Variants in CALN1 observed in about 807,000 individuals in gnomAD.
The protein encoded by CALN1 is calneuron 1.
Under a neutral mutation model 30.6 loss-of-function variants are expected in CALN1, and 17 were observed. That is an observed-to-expected ratio of 0.56 (90% confidence interval 0.38 to 0.83). The LOEUF is 0.83. Among genes scored for constraint, CALN1 ranks in the 40% least tolerant of loss-of-function variants. The pLI, the probability that CALN1 is intolerant of heterozygous loss-of-function variation, is 0.00. For missense variants in CALN1, 291 were observed against 354.9 expected (o/e 0.82, Z 1.45); for synonymous variants, 156 against 131.4 (o/e 1.19, Z -1.28).
chr7:72,208,989 C>T (rs1456647707), intron 3 of CALN1, among the ~76,000 whole-genome samples: 1 of 87,854 alleles, frequency 1.1e-5, no homozygotes, highest in Non-Finnish European at 2.0e-5. Context: ...TTCCTACTTC[C>T]TTCCTTCCTT....
intron 5 of CALN1, among the ~76,000 whole-genome samples, chr7:71,996,809 T>C (rs758089259): frequency 4.6e-5 from 7 of 152,146 alleles, no homozygotes; most frequent in Non-Finnish European, 8.8e-5. Context: ...GAAGTCACCA[T>C]GATGTTTCAA....
chr7:71,815,564 A>C (rs919681478), intron 5 of CALN1, among the ~76,000 whole-genome samples: 4 of 152,138 alleles, frequency 2.6e-5, no homozygotes, highest in Non-Finnish European at 5.9e-5. Context: ...GTGAGAAATA[A>C]ATGCTTGCTG....
At chr7:71,935,289 C>A (rs534458360) in intron 5 of CALN1, among the ~76,000 whole-genome samples, 1 of 152,214 alleles carries the variant, frequency 6.6e-6, no homozygotes, top group South Asian at 2.1e-4. Context: ...GAGCAGACAG[C>A]AAGCAGGGTG....
At position 71,860,914 on chromosome 7, in the gene CALN1, G is replaced by C. The variant is rs147416062; in HGVS notation, c.502-50422C>G. 2.6e-5 allele frequency among the ~76,000 whole-genome samples: 4 copies of C among 152,256 alleles called. No homozygotes were observed. The East Asian group carries it at 7.7e-4, about 29-fold the overall frequency. ...GAGGGGACATTTATAGGCAGAGGAT[G>C]ATCCCACGGAGAACTCTCTGTGATC... On this transcript the variant is annotated intron_variant, in intron 5 of 6. Coordinates refer to ENST00000395275, the MANE Select transcript of CALN1 (RefSeq NM_031468.4).
intron 5 of CALN1, among the ~76,000 whole-genome samples, chr7:72,022,706 T>C (rs1022039706): frequency 5.3e-5 from 8 of 152,122 alleles, no homozygotes; most frequent in African/African-American, 1.2e-4. Context: ...CCCAGCCAAA[T>C]TGTGAAATAG....
intron 3 of CALN1, among the ~76,000 whole-genome samples, chr7:72,144,020 C>T (rs1282641143): frequency 6.6e-6 from 1 of 151,986 alleles, no homozygotes; most frequent in Non-Finnish European, 1.5e-5. Context: ...ACTGCAAAAA[C>T]ATGCCAAACT....
chr7:72,047,956 A>G (rs2129535139), intron 4 of CALN1, among the ~76,000 whole-genome samples: 1 of 152,164 alleles, frequency 6.6e-6, no homozygotes, highest in South Asian at 2.1e-4. Context: ...ATGTGAGCAA[A>G]GTAAGAGATG....
At chr7:71,874,361 C>T (rs13230356) in intron 5 of CALN1, among the ~76,000 whole-genome samples, 36,850 of 150,414 alleles carry the variant, frequency 0.24, 4,856 homozygotes, top group African/African-American at 0.32. Context: ...AGTATTAAGA[C>T]CTAAGAGGAT....
chr7:72,042,929 C>A (rs1802221700), intron 4 of CALN1, among the ~76,000 whole-genome samples: 1 of 152,150 alleles, frequency 6.6e-6, no homozygotes, highest in Non-Finnish European at 1.5e-5. Flanking sequence ...GGATATCTTG[C>A]TAGGCCAACA....
At chr7:71,801,408 GTATGTATGTATGTATGTATGTATCTATC>G (rs1267017339) in intron 6 of CALN1, among the ~76,000 whole-genome samples, 2 of 135,684 alleles carry the variant, frequency 1.5e-5, no homozygotes, top group East Asian at 4.3e-4. Flanking sequence ...ATGTATGTAT[GTATGTATGTATGTATGTATGTATCTATC>G]TATCTATCTA....
At chr7:72,201,749 A>G (rs1791443424) in intron 3 of CALN1, among the ~76,000 whole-genome samples, 1 of 150,452 alleles carries the variant, frequency 6.6e-6, no homozygotes, top group Non-Finnish European at 1.5e-5. Context: ...AAAAAAAAAA[A>G]AAAAAAAGCA....
At chr7:72,353,281 G>A (rs1803040241) in intron 2 of CALN1, among the ~76,000 whole-genome samples, 2 of 151,870 alleles carry the variant, frequency 1.3e-5, no homozygotes, top group Admixed American at 6.6e-5. Context: ...ATCAAATACA[G>A]GCAATACCAA....
chr7:71,825,135 T>C (rs1788836178), intron 5 of CALN1, among the ~76,000 whole-genome samples: 1 of 152,036 alleles, frequency 6.6e-6, no homozygotes, highest in Non-Finnish European at 1.5e-5. Context: ...GGTCCAACCA[T>C]CAACCTCCCA....
intron 2 of CALN1, among the ~76,000 whole-genome samples, chr7:72,375,210 CA>C (rs1214153686): frequency 1.3e-5 from 2 of 152,008 alleles, no homozygotes; most frequent in African/African-American, 2.4e-5. Context: ...CTCACGGTCT[CA>C]AAAAGCTGAA....
chr7:71,812,926 CATCATTATT>C (rs1261607479), intron 5 of CALN1, among the ~76,000 whole-genome samples: 5 of 94,386 alleles, frequency 5.3e-5, no homozygotes, highest in East Asian at 2.2e-4. Context: ...TTATCATCAT[CATCATTATT>C]ATTATTATTA....
At chr7:72,405,359 G>A (rs145347053) in intron 1 of CALN1, among the ~76,000 whole-genome samples, 50 of 152,286 alleles carry the variant, frequency 3.3e-4, no homozygotes, top group African/African-American at 1.2e-3. Context: ...CATAGCCTAG[G>A]GATGATCTGA....
At chr7:72,163,244 A>G (rs1484684919) in intron 3 of CALN1, among the ~76,000 whole-genome samples, 2 of 152,214 alleles carry the variant, frequency 1.3e-5, no homozygotes, top group African/African-American at 4.8e-5. Flanking sequence ...GTAAAAGAGC[A>G]TAAGAACAAA....
At chr7:71,803,235 A>G (rs1183885414) in intron 6 of CALN1, among the ~76,000 whole-genome samples, 1 of 152,032 alleles carries the variant, frequency 6.6e-6, no homozygotes, top group Non-Finnish European at 1.5e-5. Context: ...TGCACAAAGC[A>G]CCCAGAACCG....
At chr7:72,439,440 T>C (rs1035886546) in intron 1 of CALN1, among the ~76,000 whole-genome samples, 1 of 152,216 alleles carries the variant, frequency 6.6e-6, no homozygotes, top group Non-Finnish European at 1.5e-5. Flanking sequence ...GTGTGTTACA[T>C]GTAATATATT....
Sources: gnomAD v4.1 joint callset for allele counts (sites outside exome capture counted in the v4.1 genomes callset) on GRCh38, gnomAD v4.1.1 for gene constraint, MANE v1.5 for transcripts, NCBI Gene and HGNC (gene_info 2026-07-23, HGNC 2026-07-21) for gene names.